Variants in SLC8B1 observed in about 807,000 individuals in gnomAD.
The protein encoded by SLC8B1 is mitochondrial sodium/calcium exchanger protein.
SLC8B1 carries 52 observed loss-of-function variants against 63.4 expected under a neutral mutation model. The observed-to-expected ratio is 0.82, with a 90% CI of 0.66 to 1.03. SLC8B1 has a LOEUF of 1.03. Ranked by LOEUF, SLC8B1 falls within the 50% of genes least tolerant of loss-of-function variation. The probability of loss-of-function intolerance (pLI) is 0.00; values close to 1 mark genes in which losing one functional copy is unlikely to be tolerated. For missense variants in SLC8B1, 657 were observed against 741.7 expected (o/e 0.89, Z 1.33); for synonymous variants, 336 against 323.9 (o/e 1.04, Z -0.40).
intron 8 of SLC8B1, among the ~76,000 whole-genome samples, 167 bp from the exon 9 acceptor site, chr12:113,317,168 C>A (rs976210480): frequency 2.0e-5 from 3 of 152,176 alleles, no homozygotes; most frequent in Non-Finnish European, 4.4e-5. Flanking sequence ...GGTGTGATCA[C>A]AGCTCACTGC....
chr12:113,307,618 T>C, intron 13 of SLC8B1, 73 bp downstream of exon 13: 1 of 1,547,324 alleles, frequency 6.5e-7, no homozygotes, highest in South Asian at 1.2e-5. Flanking sequence ...CAGATGCGAC[T>C]CTGGCTGGGG....
At chr12:113,334,243 A>G (rs538864410) in intron 1 of SLC8B1, among the ~76,000 whole-genome samples, 200 bp downstream of exon 1, 1 of 152,264 alleles carries the variant, frequency 6.6e-6, no homozygotes, top group South Asian at 2.1e-4. Context: ...AGCAAACTAA[A>G]TTTCCTGTTT....
At chr12:113,316,774 T>TC in intron 9 of SLC8B1, 118 bp from the exon 10 acceptor site, 1 of 1,527,016 alleles carries the variant, frequency 6.5e-7, no homozygotes, top group South Asian at 1.2e-5. Flanking sequence ...AGCCCAGTAC[T>TC]CGGCAGAGGG....
At position 113,299,991 on chromosome 12, in the gene SLC8B1, G is replaced by A. The variant is rs749255716; in HGVS notation, c.1558-17C>T. On this transcript the variant is annotated splice_polypyrimidine_tract_variant and intron_variant, in intron 15 of 15. Coordinates refer to ENST00000680972, the MANE Select transcript of SLC8B1 (RefSeq NM_001358345.2). ...TGGCTCCAGCTGTGGAAGAATGAGG[G>A]GAGAGAGGCTGAGTCACTGCCCGTC... 10 of 1,610,932 alleles carry A rather than the reference G, an allele frequency of 6.2e-6. No homozygotes were observed.
intron 8 of SLC8B1, among the ~76,000 whole-genome samples, chr12:113,318,321 G>C (rs1282376204): frequency 6.6e-6 from 1 of 151,860 alleles, no homozygotes; most frequent in Non-Finnish European, 1.5e-5. Flanking sequence ...GCGCATGCAT[G>C]CATCTGTATA....
chr12:113,327,394 C>A (rs1245258868), intron 2 of SLC8B1, among the ~76,000 whole-genome samples: 1 of 152,056 alleles, frequency 6.6e-6, no homozygotes, highest in Non-Finnish European at 1.5e-5. Flanking sequence ...GCAATAACAC[C>A]CACAAGCCTA....
chr12:113,320,678 G>A lies in SLC8B1; in HGVS notation c.429C>T (p.Thr143=). The change falls in exon 6 of 16, where the codon ACC becomes ACT. Residue 143 remains threonine (T), a synonymous_variant. Transcript: ENST00000680972. The surrounding 1 kb of genome is among the most constrained non-coding windows in gnomAD (Gnocchi z 5.3). ...LKLSHNVAGV[T]FLAFGNGAPD... The stretch of plus-strand genomic sequence containing the variant: ...GTGCACCATTCCCAAATGCCAGGAA[G>A]GTGACGCCATGTGGGGAGCATGTCA... 1 of 1,613,738 alleles carries A rather than the reference G, an allele frequency of 6.2e-7. No individual in the cohort carries two copies. The highest frequency in any genetic ancestry group is 8.5e-7 in the Non-Finnish European group (1 of 1,179,890).
intron 2 of SLC8B1, among the ~76,000 whole-genome samples, chr12:113,325,902 C>T (rs1045482169): frequency 1.3e-5 from 2 of 152,170 alleles, no homozygotes; most frequent in Non-Finnish European, 2.9e-5. Context: ...TTGCCCTGAG[C>T]CTGGCCTGTA....
In SLC8B1 at chr12:113,298,875, C is replaced by T. The variant is rs1319976065; in HGVS notation, c.*902G>A. ...ACCTAAGAGTTGCTTATTTCGGCAA[C>T]ATAAGGCGGGGTCATTGCATGACAG... On this transcript the variant is annotated 3_prime_UTR_variant, in exon 16 of 16. Transcript: ENST00000680972. 3.4e-5 allele frequency: 5 copies of T among 146,738 alleles called. No homozygotes were observed. Among genetic ancestry groups the T allele is most frequent in the Non-Finnish European group, 7.4e-5 (5 of 67,156 alleles). The allele number at this position is 146,738 out of a possible 1,614,324, so 9.1% of individuals were successfully genotyped here.
intron 8 of SLC8B1, among the ~76,000 whole-genome samples, chr12:113,318,255 GTGT>G (rs777027101): frequency 1.3e-5 from 2 of 151,484 alleles, no homozygotes; most frequent in Admixed American, 6.6e-5. Context: ...TTGTGTATTT[GTGT>G]TGTGTGTGCA....
rs61932116 is a variant in SLC8B1, at chr12:113,305,925, C to G, written c.1492+570G>C. 0.049 allele frequency among the ~76,000 whole-genome samples: 7,439 copies of G among 151,586 alleles called. 266 individuals are homozygous for G. The highest frequency in any genetic ancestry group is 0.068 in the Middle Eastern group (20 of 294). On this transcript the variant is annotated intron_variant, in intron 14 of 15. Coordinates refer to ENST00000680972, the MANE Select transcript of SLC8B1 (RefSeq NM_001358345.2). This position sits in a 1 kb window ranked among gnomAD's most constrained non-coding sequence, Gnocchi z 4.3. ...AATACAAAAATTAGCTGGGCGTGGTCGTGGGCGCCTGTAGTCCCAGCTACT... is the reference window on the plus strand; with the variant it reads ...AATACAAAAATTAGCTGGGCGTGGTGGTGGGCGCCTGTAGTCCCAGCTACT...
intron 1 of SLC8B1, among the ~76,000 whole-genome samples, chr12:113,334,142 G>T (rs1051178607): frequency 1.3e-5 from 2 of 152,130 alleles, no homozygotes; most frequent in South Asian, 4.1e-4. Context: ...GGGCCGGGCT[G>T]GTCACCACCA....
intron 13 of SLC8B1, among the ~76,000 whole-genome samples, chr12:113,307,427 C>G (rs1306723147): frequency 6.6e-6 from 1 of 152,134 alleles, no homozygotes; most frequent in East Asian, 1.9e-4. Flanking sequence ...GCTCCATGTC[C>G]TGCCTGAACT....
chr12:113,315,310 T>G, intron 11 of SLC8B1, 25 bp downstream of exon 11: 2 of 1,492,074 alleles, frequency 1.3e-6, no homozygotes, highest in Non-Finnish European at 1.8e-6. Flanking sequence ...GGAAGGTGGG[T>G]TGGCCCGGGG....
At position 113,310,295 on chromosome 12, in the gene SLC8B1, G is replaced by A. The variant is rs748064087; in HGVS notation, c.1196C>T (p.Thr399Ile). 6 of 1,614,140 alleles carry A rather than the reference G, an allele frequency of 3.7e-6. No homozygotes were observed. Among genetic ancestry groups the A allele is most frequent in the Non-Finnish European group, 5.1e-6 (6 of 1,180,014 alleles). The change falls in exon 12 of 16, where the codon ACA (threonine) becomes ATA (isoleucine). Residue 399 changes from threonine (T) to isoleucine (I), a missense_variant. Thr to Ile is a moderately conservative substitution (Grantham distance 89). Transcript: ENST00000680972. ...AAAAAAGGTCACTGAAGCCAAGGCT[G>A]TGCCTGCGATCACCACCACGACCCA... Reference protein sequence around the residue: ...PVWVVVVIAGTALASVTFFAT... With the variant: ...PVWVVVVIAGIALASVTFFAT...
chr12:113,318,019 T>G (rs1049824387), intron 8 of SLC8B1, among the ~76,000 whole-genome samples: 2 of 152,196 alleles, frequency 1.3e-5, no homozygotes, highest in Non-Finnish European at 2.9e-5. Flanking sequence ...GTTGCATGTG[T>G]GTGCACATAT....
chr12:113,333,369 G>A (rs1957083262), intron 1 of SLC8B1, among the ~76,000 whole-genome samples: 1 of 152,200 alleles, frequency 6.6e-6, no homozygotes, highest in South Asian at 2.1e-4. Flanking sequence ...CTACTTCTAG[G>A]GGTGGACTTG....
At chr12:113,325,171 T>G (rs1324695780) in intron 2 of SLC8B1, among the ~76,000 whole-genome samples, 3 of 151,866 alleles carry the variant, frequency 2.0e-5, no homozygotes, top group Non-Finnish European at 4.4e-5. Context: ...GTAAAGTAGT[T>G]ATTACCCCTA....
At chr12:113,317,062 G>T in intron 8 of SLC8B1, 61 bp from the exon 9 acceptor site, 1 of 1,465,318 alleles carries the variant, frequency 6.8e-7, no homozygotes, top group Non-Finnish European at 9.4e-7. Flanking sequence ...GGCACACTGG[G>T]ACAGAGCAGG....
Sources: allele counts gnomAD v4.1 joint callset (sites outside exome capture counted in the v4.1 genomes callset), GRCh38; gene constraint gnomAD v4.1.1; non-coding constraint Gnocchi (gnomAD v3.1); transcripts MANE v1.5; gene names NCBI Gene and HGNC (gene_info 2026-07-23, HGNC 2026-07-21).